ZMYM4: variants seen among roughly 807,000 people sequenced by gnomAD.
The protein encoded by ZMYM4 is zinc finger MYM-type protein 4.
A neutral mutation model predicts 183.2 loss-of-function variants in ZMYM4; 31 were observed. The ratio of observed to expected loss-of-function variants is 0.17; its 90% CI spans 0.13 to 0.23. The LOEUF (loss-of-function observed/expected upper bound fraction) is 0.23. ZMYM4 is among the 10% of genes least tolerant of loss of function. The pLI, the probability that ZMYM4 is intolerant of heterozygous loss-of-function variation, is 1.00. For synonymous variants in ZMYM4, 592 were observed against 631.2 expected (o/e 0.94, Z 0.93); for missense variants, 1,273 against 1,840.3 (o/e 0.69, Z 5.64).
intron 15 of ZMYM4, among the ~76,000 whole-genome samples, 154 bp from the exon 16 acceptor site, chr1:35,392,054 AAAAG>A (rs1288724310): frequency 1.3e-5 from 2 of 152,176 alleles, no homozygotes; most frequent in South Asian, 2.1e-4. Flanking sequence ...AAGAAAAAAA[AAAAG>A]AAGAAAACCA....
intron 1 of ZMYM4, among the ~76,000 whole-genome samples, chr1:35,303,287 CAA>C (rs768765815): frequency 7.5e-4 from 53 of 70,910 alleles, no homozygotes; most frequent in Non-Finnish European, 1.0e-3. Context: ...TACCTTGTCT[CAA>C]AAAAAAAAAA....
At chr1:35,416,390 T>C (rs1640113798) in intron 28 of ZMYM4, among the ~76,000 whole-genome samples, 1 of 152,204 alleles carries the variant, frequency 6.6e-6, no homozygotes, top group African/African-American at 2.4e-5. Flanking sequence ...ATTTTTTGAA[T>C]GTGAGAATTT....
chr1:35,377,662 A>C (rs7537917), intron 7 of ZMYM4, among the ~76,000 whole-genome samples: 9,800 of 152,282 alleles, frequency 0.064, 921 homozygotes, highest in East Asian at 0.44. Context: ...ACCAATGTAC[A>C]TTTTTAAATT....
At chr1:35,299,992 TCA>T (rs1356708610) in intron 1 of ZMYM4, among the ~76,000 whole-genome samples, 1 of 152,096 alleles carries the variant, frequency 6.6e-6, no homozygotes, top group Admixed American at 6.6e-5. Context: ...AGACGGGTTT[TCA>T]CAGTGTTCGC....
chr1:35,339,491 T>C (rs1643117855), intron 2 of ZMYM4, among the ~76,000 whole-genome samples: 1 of 152,206 alleles, frequency 6.6e-6, no homozygotes, highest in African/African-American at 2.4e-5. Context: ...TGCCTTGGCC[T>C]CCCAAAGTGC....
chr1:35,359,544 G>C, intron 3 of ZMYM4, 98 bp downstream of exon 3: 1 of 1,167,152 alleles, frequency 8.6e-7, no homozygotes, highest in Admixed American at 3.2e-5. Context: ...AAGTATGAAC[G>C]GTTAAATTCA....
intron 1 of ZMYM4, among the ~76,000 whole-genome samples, chr1:35,324,280 C>T (rs936317243): frequency 6.6e-6 from 1 of 151,856 alleles, no homozygotes; most frequent in African/African-American, 2.4e-5. Context: ...AACTTTTTGT[C>T]TAGAGATGAG....
intron 1 of ZMYM4, among the ~76,000 whole-genome samples, chr1:35,274,443 A>G (rs1376058905): frequency 6.6e-6 from 1 of 152,068 alleles, no homozygotes; most frequent in Non-Finnish European, 1.5e-5. Flanking sequence ...CATCTCTACA[A>G]TAAATTAAAA....
chr1:35,413,954 C>T lies in ZMYM4; in HGVS notation c.3949-18C>T. On this transcript the variant is annotated intron_variant, in intron 26 of 29. Coordinates refer to ENST00000314607, the MANE Select transcript of ZMYM4 (RefSeq NM_005095.3). ...TTCTTTTTATCAACATGTATATTTTCTTTTTTTTTTCTTGTAGTACCTGTT... is the reference window on the plus strand; with the variant it reads ...TTCTTTTTATCAACATGTATATTTTTTTTTTTTTTTCTTGTAGTACCTGTT... The T allele has an allele frequency of 3.3e-6, 4 of 1,199,526 alleles. No individual in the cohort carries two copies. The highest frequency in any genetic ancestry group is 4.6e-6 in the Non-Finnish European group (4 of 862,956). The allele number at this position is 1,199,526 out of a possible 1,614,324, so 74.3% of individuals were successfully genotyped here. A position where few individuals can be genotyped will look rare whatever the true frequency, so the allele number is the denominator to read the frequency against.
intron 1 of ZMYM4, among the ~76,000 whole-genome samples, chr1:35,310,093 C>G (rs189193381): frequency 6.6e-6 from 1 of 151,972 alleles, no homozygotes; most frequent in Admixed American, 6.6e-5. Context: ...CCATGCCCGG[C>G]TAATGTTTGT....
chr1:35,398,550 A>G (rs1432297985), intron 21 of ZMYM4, 84 bp downstream of exon 21: 4 of 1,252,034 alleles, frequency 3.2e-6, no homozygotes, highest in Non-Finnish European at 4.5e-6. Context: ...CTTGGATTTC[A>G]TATTTGTAAT....
rs1283863554 is a variant in ZMYM4, at chr1:35,420,783, A to G, written c.*1106A>G. ...GAAAAGGTCCTAGTTAGGTTCCTAT[A>G]TAAAGCATTTGGAAGATGACCTTGT... is the stretch of plus-strand genomic sequence containing the variant. On this transcript the variant is annotated 3_prime_UTR_variant, in exon 30 of 30. Transcript: ENST00000314607. 1 of 152,652 alleles carries G rather than the reference A, an allele frequency of 6.6e-6. No individual in the cohort carries two copies. Among genetic ancestry groups the G allele is most frequent in the Non-Finnish European group, 1.5e-5 (1 of 68,042 alleles). The allele number at this position is 152,652 out of a possible 1,614,324, so 9.5% of individuals were successfully genotyped here.
rs1156305761 is a variant in ZMYM4 at position 35,397,560 on chromosome 1, TA to T, written c.3199+19del. The T allele has an allele frequency of 6.4e-7, 1 of 1,571,810 alleles. No homozygotes were observed. Among genetic ancestry groups the T allele is most frequent in the Non-Finnish European group, 8.6e-7 (1 of 1,164,730 alleles). ...ATCTCAGGGAGGTTGGTATACTCTTTAAAAGTAAAGAAAGAAAAAACACGTT... is the reference window on the plus strand; with the variant it reads ...ATCTCAGGGAGGTTGGTATACTCTTTAAAGTAAAGAAAGAAAAAACACGTT... On this transcript the variant is annotated intron_variant, in intron 20 of 29. Transcript: ENST00000314607.
chr1:35,387,322 G>T (rs748440076), intron 12 of ZMYM4, 44 bp downstream of exon 12: 10 of 1,592,766 alleles, frequency 6.3e-6, no homozygotes, highest in South Asian at 1.1e-5. Context: ...GTATACGTGG[G>T]TCTATTTGTA....
At chr1:35,404,422 T>G (rs1262040213) in intron 23 of ZMYM4, among the ~76,000 whole-genome samples, 1 of 152,204 alleles carries the variant, frequency 6.6e-6, no homozygotes, top group Non-Finnish European at 1.5e-5. Context: ...TTTAAAAATT[T>G]TCTTATTGAA....
intron 1 of ZMYM4, among the ~76,000 whole-genome samples, chr1:35,288,617 T>C (rs1181849899): frequency 6.6e-6 from 1 of 152,142 alleles, no homozygotes; most frequent in Admixed American, 6.6e-5. Flanking sequence ...ATTAAAAACT[T>C]AGTATAATAG....
chr1:35,415,638 C>T lies in ZMYM4; in HGVS notation c.4233C>T (p.Thr1411=), dbSNP rs1272997722. 18 of 1,613,964 alleles carry T rather than the reference C, an allele frequency of 1.1e-5. No homozygotes were observed. The highest frequency in any genetic ancestry group is 4.0e-5 in the African/African-American group (3 of 74,880). Residue 1411 remains threonine, a synonymous_variant, in exon 28 of 30, where the codon ACC becomes ACT. Transcript: ENST00000314607. ...CCTTTGCCCATGTGATGAGACGGAC[C>T]AGGACTCTGAAGTACAGTACCAAGA... The part of the protein sequence containing the change: ...KLSFAHVMRR[T]RTLKYSTKMT...
chr1:35,345,288 T>C (rs1298390629), intron 2 of ZMYM4, among the ~76,000 whole-genome samples: 1 of 152,230 alleles, frequency 6.6e-6, no homozygotes, highest in East Asian at 1.9e-4. Flanking sequence ...TTTGTAAAGT[T>C]GTTAATCATT....
chr1:35,314,722 G>T (rs1235922084), intron 1 of ZMYM4, among the ~76,000 whole-genome samples: 2 of 88,640 alleles, frequency 2.3e-5, no homozygotes, highest in East Asian at 3.7e-4. Flanking sequence ...TTTGTGAAAA[G>T]AAGTCATTAA....
Sources: gnomAD v4.1 joint callset for allele counts (sites outside exome capture counted in the v4.1 genomes callset) on GRCh38, gnomAD v4.1.1 for gene constraint, MANE v1.5 for transcripts, NCBI Gene and HGNC (gene_info 2026-07-23, HGNC 2026-07-21) for gene names.